Variants in DLGAP2 observed in about 807,000 individuals in gnomAD.
DLGAP2 encodes the protein DLG associated protein 2, also known as disks large-associated protein 2.
A neutral mutation model predicts 100.3 loss-of-function variants in DLGAP2; 26 were observed. The observed-to-expected ratio is 0.26, with a 90% confidence interval of 0.19 to 0.36. The LOEUF (loss-of-function observed/expected upper bound fraction) is 0.36. Among genes scored for constraint, DLGAP2 ranks in the 10% least tolerant of loss-of-function variants. The pLI is 1.00. For missense variants in DLGAP2, 1,858 were observed against 1,453.2 expected (o/e 1.28, Z -4.53); for synonymous variants, 886 against 630.1 (o/e 1.41, Z -6.08).
At chr8:1,054,262 A>G (rs989646298) in intron 2 of DLGAP2, among the ~76,000 whole-genome samples, 1 of 151,978 alleles carries the variant, frequency 6.6e-6, no homozygotes, top group Admixed American at 6.6e-5. Flanking sequence ...ACACACACGC[A>G]CACACACGGA....
chr8:1,564,473 A>G (rs1295985773), intron 5 of DLGAP2, among the ~76,000 whole-genome samples: 1 of 152,202 alleles, frequency 6.6e-6, no homozygotes, highest in Non-Finnish European at 1.5e-5. Flanking sequence ...ACGTGGGTTC[A>G]GTTCTCGAAC....
intron 2 of DLGAP2, among the ~76,000 whole-genome samples, chr8:1,153,026 A>G (rs1796722333): frequency 6.6e-6 from 1 of 152,062 alleles, no homozygotes; most frequent in African/African-American, 2.4e-5. Flanking sequence ...TACCTCCTTT[A>G]CTCATGCTTA....
At chr8:1,606,243 A>T (rs1381702966) in intron 6 of DLGAP2, among the ~76,000 whole-genome samples, 1 of 152,064 alleles carries the variant, frequency 6.6e-6, no homozygotes. Context: ...TTCGTATCTT[A>T]TTTTCCTCCT....
chr8:1,498,526 G>A (rs367611598), intron 3 of DLGAP2, among the ~76,000 whole-genome samples: 4 of 152,282 alleles, frequency 2.6e-5, no homozygotes, highest in East Asian at 3.9e-4. Flanking sequence ...GGTTTGTAGG[G>A]CATGACTCCC....
At chr8:1,330,823 T>C (rs552583174) in intron 3 of DLGAP2, among the ~76,000 whole-genome samples, 2 of 137,954 alleles carry the variant, frequency 1.4e-5, no homozygotes, top group African/African-American at 5.8e-5. Context: ...TGGGTGGGAC[T>C]GAGTTCTGGG....
chr8:1,190,603 G>A (rs1361646349), intron 2 of DLGAP2, among the ~76,000 whole-genome samples: 2 of 152,212 alleles, frequency 1.3e-5, no homozygotes, highest in African/African-American at 4.8e-5. Flanking sequence ...AGCATTGAGA[G>A]CCAAAACAGC....
intron 2 of DLGAP2, among the ~76,000 whole-genome samples, chr8:1,050,023 C>A (rs565106754): frequency 6.6e-6 from 1 of 152,040 alleles, no homozygotes; most frequent in Non-Finnish European, 1.5e-5. Context: ...TACACACATG[C>A]GGATATGTGT....
intron 1 of DLGAP2, among the ~76,000 whole-genome samples, chr8:745,135 G>A (rs73178898): frequency 0.1 from 15,204 of 152,242 alleles, 1,037 homozygotes; most frequent in East Asian, 0.33. Flanking sequence ...CAAGCACAGC[G>A]GCAGGTTCTT....
chr8:977,162 TC>T (rs1441221104), intron 2 of DLGAP2, among the ~76,000 whole-genome samples: 12 of 152,196 alleles, frequency 7.9e-5, no homozygotes, highest in African/African-American at 2.9e-4. Context: ...TCCTCTTGCC[TC>T]CCCTCCTGAA....
At chr8:1,479,116 G>C (rs781366789) in intron 3 of DLGAP2, among the ~76,000 whole-genome samples, 2 of 152,244 alleles carry the variant, frequency 1.3e-5, no homozygotes, top group African/African-American at 2.4e-5. Context: ...GCCCAGGCAG[G>C]GGGGCAACGC....
intron 6 of DLGAP2, among the ~76,000 whole-genome samples, chr8:1,614,548 G>A (rs1200922625): frequency 2.6e-5 from 4 of 152,144 alleles, no homozygotes; most frequent in East Asian, 1.9e-4. Context: ...ATGACTTACC[G>A]GACGACCTTG....
intron 3 of DLGAP2, among the ~76,000 whole-genome samples, chr8:1,339,081 G>A (rs1801359111): frequency 6.6e-6 from 1 of 150,842 alleles, no homozygotes; most frequent in Non-Finnish European, 1.5e-5. Flanking sequence ...GACCTGGCAG[G>A]GAAGGCAGTG....
chr8:788,060 G>A (rs889360013), intron 1 of DLGAP2, among the ~76,000 whole-genome samples: 4 of 152,204 alleles, frequency 2.6e-5, no homozygotes, highest in Admixed American at 2.6e-4. Context: ...CACAGCGATG[G>A]CACTGGATCC....
chr8:1,512,457 G>A (rs961436177), intron 4 of DLGAP2, among the ~76,000 whole-genome samples: 1 of 152,116 alleles, frequency 6.6e-6, no homozygotes, highest in Admixed American at 6.5e-5. Context: ...TGGCAGTTCC[G>A]CACTGACCTC....
intron 3 of DLGAP2, among the ~76,000 whole-genome samples, chr8:1,459,086 C>T (rs535595048): frequency 7.1e-6 from 1 of 140,274 alleles, no homozygotes; most frequent in African/African-American, 2.7e-5. Context: ...GACCAGCGTG[C>T]GTCCCAGACA....
intron 1 of DLGAP2, among the ~76,000 whole-genome samples, chr8:857,803 T>G (rs888967370): frequency 3.9e-5 from 6 of 152,132 alleles, no homozygotes; most frequent in African/African-American, 1.4e-4. Flanking sequence ...CCATGCCGTC[T>G]AGCAGTCAGG....
At chr8:1,173,327 A>T (rs978979554) in intron 2 of DLGAP2, among the ~76,000 whole-genome samples, 9 of 152,212 alleles carry the variant, frequency 5.9e-5, no homozygotes, top group African/African-American at 1.7e-4. Flanking sequence ...CTCAGGGGTC[A>T]GGGGTCAGAG....
At chr8:1,582,200 C>T (rs1803302662) in intron 6 of DLGAP2, among the ~76,000 whole-genome samples, 1 of 135,778 alleles carries the variant, frequency 7.4e-6, no homozygotes. Flanking sequence ...CAAACCCCCA[C>T]ACACATGTAC....
intron 2 of DLGAP2, among the ~76,000 whole-genome samples, chr8:1,176,047 T>C (rs1436417124): frequency 6.6e-6 from 1 of 152,200 alleles, no homozygotes; most frequent in African/African-American, 2.4e-5. Flanking sequence ...AGCCCATTCA[T>C]ACACTGCATA....
Sources: allele counts gnomAD v4.1 joint callset (sites outside exome capture counted in the v4.1 genomes callset), GRCh38; gene constraint gnomAD v4.1.1; transcripts MANE v1.5; gene names NCBI Gene and HGNC (gene_info 2026-07-23, HGNC 2026-07-21).